L3MBTL3: variants seen among roughly 807,000 people sequenced by gnomAD.
L3MBTL3 encodes L3MBTL histone methyl-lysine binding protein 3, also known as lethal(3)malignant brain tumor-like protein 3.
Under a neutral mutation model 102.3 loss-of-function variants are expected in L3MBTL3, and 27 were observed. The observed-to-expected ratio is 0.26, with a 90% CI of 0.19 to 0.36. The LOEUF (loss-of-function observed/expected upper bound fraction) is 0.36. Ranked by LOEUF, L3MBTL3 falls within the 10% of genes least tolerant of loss-of-function variation. L3MBTL3 has a pLI of 1.00. For missense variants in L3MBTL3, 798 were observed against 955.3 expected (o/e 0.84, Z 2.17); for synonymous variants, 340 against 320.9 (o/e 1.06, Z -0.64).
chr6:130,128,079 T>C (rs1020710019), intron 20 of L3MBTL3, among the ~76,000 whole-genome samples: 3 of 152,332 alleles, frequency 2.0e-5, no homozygotes, highest in Admixed American at 2.0e-4. Flanking sequence ...TCTCTGTGGA[T>C]GGATGTAGCA....
At chr6:130,068,123 A>G (rs1396523680) in intron 11 of L3MBTL3, among the ~76,000 whole-genome samples, 2 of 152,200 alleles carry the variant, frequency 1.3e-5, no homozygotes, top group Non-Finnish European at 2.9e-5. Context: ...ATCCATTACC[A>G]TTCATTCAGA....
chr6:130,119,542 G>T lies in L3MBTL3; in HGVS notation c.1887-1337G>T, dbSNP rs563782956. ...AGTTATCAGTGATACTCTTACATTT[G>T]TTTTTACCGTAGCTTCATCCTTCTA... On this transcript the variant is annotated intron_variant, in intron 19 of 22. Transcript: ENST00000361794. 2.6e-5 allele frequency among the ~76,000 whole-genome samples: 4 copies of T among 152,154 alleles called. No individual in the cohort carries two copies. In the East Asian group the frequency reaches 7.7e-4, roughly 29 times the overall value.
At position 130,140,702 on chromosome 6, in the gene L3MBTL3, G is replaced by A. The variant is rs1366466639; in HGVS notation, c.*949G>A. The A allele has an allele frequency of 6.6e-6, 1 of 152,180 alleles. No individual in the cohort carries two copies. The highest frequency in any genetic ancestry group is 1.5e-5 in the Non-Finnish European group (1 of 68,038). 9.4% of individuals were successfully genotyped at this position (152,180 alleles called of 1,614,324 possible). A position where few individuals can be genotyped will look rare whatever the true frequency, so the allele number is the denominator to read the frequency against. ...TTTACAGAGACTAAGAGCTCATTCT[G>A]TCAACAGAAACACTAATCTGTACAG... On this transcript the variant is annotated 3_prime_UTR_variant, in exon 23 of 23. Coordinates refer to ENST00000361794, the MANE Select transcript of L3MBTL3 (RefSeq NM_032438.4).
At position 130,094,282 on chromosome 6, in the gene L3MBTL3, G is replaced by C. The variant is rs1406997019; in HGVS notation, c.1651G>C (p.Glu551Gln). 3.0e-5 allele frequency: 48 copies of C among 1,613,170 alleles called. No homozygotes were observed. The highest frequency in any genetic ancestry group is 4.0e-5 in the Non-Finnish European group (47 of 1,179,578). ...QPPLSPLELM[E>Q]ASEHGGCSTP... ...TTTCATAGGCCCCTTAGAATTAATG[G>C]AAGCTTCAGAACATGGTGGATGCTC... Residue 551 changes from glutamate to glutamine, a missense_variant, in exon 18 of 23, where the codon GAA becomes CAA. By Grantham distance (29) the Glu-to-Gln change is conservative (BLOSUM62 2). This residue lies in a region of L3MBTL3 where 306 missense variants were observed against 314.4 expected (regional missense o/e 0.97). Coordinates refer to ENST00000361794, the MANE Select transcript of L3MBTL3 (RefSeq NM_032438.4).
At chr6:130,117,891 T>C (rs982864912) in intron 19 of L3MBTL3, among the ~76,000 whole-genome samples, 1 of 116,110 alleles carries the variant, frequency 8.6e-6, no homozygotes, top group African/African-American at 3.3e-5. Flanking sequence ...TTTTTTTTTT[T>C]GTGGAGACAC....
intron 19 of L3MBTL3, among the ~76,000 whole-genome samples, chr6:130,112,317 G>A (rs979928632): frequency 6.6e-6 from 1 of 152,082 alleles, no homozygotes; most frequent in Non-Finnish European, 1.5e-5. Context: ...CCATCCATCT[G>A]TCTTCCATGG....
intron 18 of L3MBTL3, among the ~76,000 whole-genome samples, chr6:130,102,939 A>G (rs898548038): frequency 6.6e-6 from 1 of 152,218 alleles, no homozygotes; most frequent in African/African-American, 2.4e-5. Context: ...AGCTCCGTGA[A>G]ACCAGAGAGC....
At chr6:130,061,293 C>T (rs1323374779) in intron 10 of L3MBTL3, among the ~76,000 whole-genome samples, 2 of 152,124 alleles carry the variant, frequency 1.3e-5, no homozygotes, top group African/African-American at 4.8e-5. Context: ...CCATGTTGGC[C>T]AGGCTGGTCT....
chr6:130,108,688 T>C (rs79574038), intron 19 of L3MBTL3, among the ~76,000 whole-genome samples: 2,832 of 152,166 alleles, frequency 0.019, 36 homozygotes, highest in Middle Eastern at 0.072. Flanking sequence ...TGGTATTTAT[T>C]TATTTATTTT....
chr6:130,026,740 A>T, intron 2 of L3MBTL3, among the ~76,000 whole-genome samples: 1 of 152,160 alleles, frequency 6.6e-6, no homozygotes, highest in Non-Finnish European at 1.5e-5. Flanking sequence ...TTACTTATAT[A>T]AAGATTTCAT....
chr6:130,098,488 C>CG (rs1262127242), intron 18 of L3MBTL3, among the ~76,000 whole-genome samples: 1 of 152,130 alleles, frequency 6.6e-6, no homozygotes, highest in Non-Finnish European at 1.5e-5. Context: ...AGGTATGTTA[C>CG]GGAGTTTTTA....
At chr6:130,101,654 A>G (rs985318188) in intron 18 of L3MBTL3, among the ~76,000 whole-genome samples, 3 of 152,224 alleles carry the variant, frequency 2.0e-5, no homozygotes, top group Non-Finnish European at 4.4e-5. Context: ...CGTGAGGGCC[A>G]CATGCCCAGC....
At chr6:130,134,097 A>C (rs1299625133) in intron 22 of L3MBTL3, among the ~76,000 whole-genome samples, 192 bp downstream of exon 22, 2 of 152,196 alleles carry the variant, frequency 1.3e-5, no homozygotes, top group African/African-American at 2.4e-5. Context: ...GAGATGCATA[A>C]GAATGTTTGT....
At chr6:130,069,588 AG>A (rs1243650707) in intron 12 of L3MBTL3, among the ~76,000 whole-genome samples, 4 of 133,562 alleles carry the variant, frequency 3.0e-5, no homozygotes, top group African/African-American at 1.0e-4. Context: ...AAAGTGTAAC[AG>A]TGCATTGTCA....
chr6:130,120,294 T>G (rs905667589), intron 19 of L3MBTL3, among the ~76,000 whole-genome samples: 2 of 152,204 alleles, frequency 1.3e-5, no homozygotes, highest in African/African-American at 2.4e-5. Context: ...GAATTAAGAC[T>G]GTAATGGATC....
intron 10 of L3MBTL3, among the ~76,000 whole-genome samples, chr6:130,061,582 T>G (rs754888834): frequency 6.6e-6 from 1 of 152,110 alleles, no homozygotes; most frequent in Non-Finnish European, 1.5e-5. Context: ...TAGATTTTAT[T>G]TACAGTGAGA....
At chr6:130,093,926 T>C (rs547217372) in intron 17 of L3MBTL3, among the ~76,000 whole-genome samples, 6 of 152,242 alleles carry the variant, frequency 3.9e-5, no homozygotes, top group Non-Finnish European at 8.8e-5. Context: ...TTAATTATGT[T>C]ATTTACTTAA....
At chr6:130,064,684 C>T (rs566000973) in intron 10 of L3MBTL3, among the ~76,000 whole-genome samples, 110 of 152,170 alleles carry the variant, frequency 7.2e-4, no homozygotes, top group African/African-American at 2.6e-3. Context: ...CGTCCTGTGT[C>T]TATGGGAGGT....
At chr6:130,069,918 G>A (rs939480120) in intron 12 of L3MBTL3, among the ~76,000 whole-genome samples, 1 of 152,112 alleles carries the variant, frequency 6.6e-6, no homozygotes, top group African/African-American at 2.4e-5. Flanking sequence ...AAAGATTTCT[G>A]TATAGCATTA....
Sources: allele counts gnomAD v4.1 joint callset (sites outside exome capture counted in the v4.1 genomes callset), GRCh38; gene constraint gnomAD v4.1.1; regional missense constraint gnomAD v4.1.1; transcripts MANE v1.5; gene names NCBI Gene and HGNC (gene_info 2026-07-23, HGNC 2026-07-21).